The following UNC5C variants were observed in gnomAD, a reference collection of about 807,000 sequenced individuals.
The protein encoded by UNC5C is netrin receptor UNC5C.
A neutral mutation model predicts 99.8 loss-of-function variants in UNC5C; 47 were observed. The observed-to-expected ratio is 0.47, with a 90% CI of 0.37 to 0.60. UNC5C has a LOEUF of 0.60. Ranked by LOEUF, UNC5C falls within the 20% of genes least tolerant of loss-of-function variation. The pLI is 0.00. For synonymous variants in UNC5C, 487 were observed against 452.2 expected (o/e 1.08, Z -0.98); for missense variants, 1,062 against 1,165.9 (o/e 0.91, Z 1.30).
intron 5 of UNC5C, among the ~76,000 whole-genome samples, chr4:95,248,923 C>T (rs1295668412): frequency 6.6e-6 from 1 of 152,212 alleles, no homozygotes; most frequent in East Asian, 1.9e-4. Context: ...TCACTCACTA[C>T]TCCCTCATTG....
chr4:95,191,505 G>A (rs1319667823), intron 12 of UNC5C, among the ~76,000 whole-genome samples: 1 of 151,882 alleles, frequency 6.6e-6, no homozygotes, highest in Non-Finnish European at 1.5e-5. Context: ...TAGTGCTCCG[G>A]ACCCTGGCTT....
chr4:95,236,600 T>G (rs1327740678), intron 7 of UNC5C, among the ~76,000 whole-genome samples: 1 of 123,480 alleles, frequency 8.1e-6, no homozygotes, highest in Non-Finnish European at 1.8e-5. Context: ...AATAAATAAA[T>G]AAAAGAAAAA....
At chr4:95,470,106 C>T (rs781647585) in intron 1 of UNC5C, among the ~76,000 whole-genome samples, 4 of 151,922 alleles carry the variant, frequency 2.6e-5, no homozygotes, top group Admixed American at 1.3e-4. Context: ...TTATGTTTTT[C>T]GAATGGGTTT....
At chr4:95,545,772 G>A (rs200055460) in intron 1 of UNC5C, among the ~76,000 whole-genome samples, 6,690 of 148,308 alleles carry the variant, frequency 0.045, 458 homozygotes, top group African/African-American at 0.14. Flanking sequence ...GCGCGCGCGC[G>A]CACACACACA....
At chr4:95,214,255 G>T (rs1579237112) in intron 10 of UNC5C, among the ~76,000 whole-genome samples, 1 of 152,286 alleles carries the variant, frequency 6.6e-6, no homozygotes, top group East Asian at 1.9e-4. Flanking sequence ...TCCTGTGTTT[G>T]TTTCTTGGTT....
chr4:95,422,221 T>C (rs1261288053), intron 1 of UNC5C, among the ~76,000 whole-genome samples: 1 of 152,188 alleles, frequency 6.6e-6, no homozygotes, highest in African/African-American at 2.4e-5. Flanking sequence ...ATAGTAATAT[T>C]AAGTTCATCT....
chr4:95,407,560 GT>G (rs1387300301), intron 1 of UNC5C, among the ~76,000 whole-genome samples: 1 of 152,110 alleles, frequency 6.6e-6, no homozygotes, highest in African/African-American at 2.4e-5. Context: ...GATGTGTGTA[GT>G]TTTTCTGGAA....
intron 1 of UNC5C, among the ~76,000 whole-genome samples, chr4:95,525,970 C>T (rs1002613680): frequency 2.0e-5 from 3 of 152,184 alleles, no homozygotes; most frequent in South Asian, 4.1e-4. Flanking sequence ...TTTAAAAATT[C>T]GAATAGGCTT....
chr4:95,332,358 G>C (rs1743148152), intron 2 of UNC5C, among the ~76,000 whole-genome samples: 1 of 149,364 alleles, frequency 6.7e-6, no homozygotes, highest in Non-Finnish European at 1.5e-5. Flanking sequence ...GCATGGTACT[G>C]GTACCAAAAC....
chr4:95,493,040 G>A (rs183211758), intron 1 of UNC5C, among the ~76,000 whole-genome samples: 3 of 151,422 alleles, frequency 2.0e-5, no homozygotes, highest in Admixed American at 2.0e-4. Flanking sequence ...ATTATATGTC[G>A]GGATTCATGT....
intron 1 of UNC5C, among the ~76,000 whole-genome samples, chr4:95,511,716 C>G (rs1722080716): frequency 6.6e-6 from 1 of 152,068 alleles, no homozygotes; most frequent in South Asian, 2.1e-4. Context: ...GGAGATAAAG[C>G]TGATCAACAC....
chr4:95,509,134 A>C (rs1326974497), intron 1 of UNC5C, among the ~76,000 whole-genome samples: 1 of 151,882 alleles, frequency 6.6e-6, no homozygotes, highest in Admixed American at 6.6e-5. Context: ...ATATTTAATA[A>C]CATCTGATTA....
chr4:95,261,193 C>T (rs1032584035), intron 4 of UNC5C, among the ~76,000 whole-genome samples: 1 of 152,114 alleles, frequency 6.6e-6, no homozygotes, highest in African/African-American at 2.4e-5. Flanking sequence ...TTAGCTACTC[C>T]AGGACTTGGG....
chr4:95,344,917 G>A (rs1743713314), intron 1 of UNC5C, among the ~76,000 whole-genome samples: 1 of 151,918 alleles, frequency 6.6e-6, no homozygotes, highest in African/African-American at 2.4e-5. Context: ...AAGACAGGGA[G>A]AATGGAAAGA....
intron 1 of UNC5C, among the ~76,000 whole-genome samples, chr4:95,414,023 A>T (rs1578149545): frequency 1.3e-5 from 2 of 152,362 alleles, no homozygotes; most frequent in South Asian, 4.1e-4. Flanking sequence ...GTGGAGGCAC[A>T]TGGGCAACTA....
intron 4 of UNC5C, among the ~76,000 whole-genome samples, chr4:95,255,836 C>G (rs1739959065): frequency 1.3e-5 from 2 of 152,070 alleles, no homozygotes; most frequent in Admixed American, 1.3e-4. Flanking sequence ...CTATATTTCT[C>G]TGCTTGCCCT....
intron 2 of UNC5C, among the ~76,000 whole-genome samples, chr4:95,310,459 T>C (rs1279925316): frequency 6.6e-6 from 1 of 152,104 alleles, no homozygotes; most frequent in Admixed American, 6.6e-5. Flanking sequence ...ACAAAAAAAA[T>C]GAGAAATATA....
chr4:95,206,614 C>T lies in UNC5C; in HGVS notation c.1902+14G>A, dbSNP rs571542475. ...TTATTCTTGCATAGCATCTTTATCC[C>T]GACAGCAGCTCACCTCCCACTGTCC... is the stretch of plus-strand genomic sequence containing the variant. On this transcript the variant is annotated intron_variant, in intron 11 of 15. Coordinates refer to ENST00000453304, the MANE Select transcript of UNC5C (RefSeq NM_003728.4). The T allele has an allele frequency of 1.6e-5, 26 of 1,613,894 alleles. No individual in the cohort carries two copies. In the Admixed American group the frequency reaches 1.8e-4, roughly 11 times the overall value.
chr4:95,339,634 A>G (rs963924585), intron 1 of UNC5C, among the ~76,000 whole-genome samples: 2 of 152,178 alleles, frequency 1.3e-5, no homozygotes, highest in African/African-American at 4.8e-5. Flanking sequence ...ATAAGAATTC[A>G]GTTTGTGAAC....
Sources: gnomAD v4.1 joint callset for allele counts (sites outside exome capture counted in the v4.1 genomes callset) on GRCh38, gnomAD v4.1.1 for gene constraint, MANE v1.5 for transcripts, NCBI Gene and HGNC (gene_info 2026-07-23, HGNC 2026-07-21) for gene names.